The following DVL1 variants were observed in gnomAD, a reference collection of about 807,000 sequenced individuals.
DVL1 encodes the protein dishevelled segment polarity protein 1, also known as segment polarity protein dishevelled homolog DVL-1.
Under a neutral mutation model 65.0 loss-of-function variants are expected in DVL1, and 49 were observed. That is an observed-to-expected ratio of 0.75 (90% CI 0.60 to 0.96). The LOEUF (loss-of-function observed/expected upper bound fraction) is 0.96, where lower values mean the gene tolerates loss of function less well. DVL1 is among the 40% of genes least tolerant of loss of function. The pLI, the probability that DVL1 is intolerant of heterozygous loss-of-function variation, is 0.00. For missense variants in DVL1, 1,197 were observed against 1,045.4 expected (o/e 1.15, Z -2.00); for synonymous variants, 608 against 433.9 (o/e 1.40, Z -4.99).
rs1237591335 is a variant in DVL1, at chr1:1,342,033, G to C, written c.466+20C>G. 3.2e-6 allele frequency: 5 copies of C among 1,547,594 alleles called. No individual in the cohort carries two copies. The highest frequency in any genetic ancestry group is 4.4e-6 in the Non-Finnish European group (5 of 1,141,680). On this transcript the variant is annotated intron_variant, in intron 4 of 14. Coordinates refer to ENST00000378888, the MANE Select transcript of DVL1 (RefSeq NM_001330311.2). ...CAGGGAGGCTGGGGGTCCACAGCTG[G>C]GCAGACATGACCACTGTACCCTCCT...
At position 1,338,006 on chromosome 1, in the gene DVL1, C is replaced by T; in HGVS notation, c.1685G>A (p.Ser562Asn). ...ACTCTGCTGACTCCCGGTGCTGCCG[C>T]TGCCATAGCTAAAGCCCGGGTCCTG... ...AYQDPGFSYG[S>N]GSTGSQQSEG... is the part of the protein sequence containing the mutation. The change falls in exon 14 of 15, where the codon AGC (serine) becomes AAC (asparagine). Residue 562 changes from serine to asparagine, a missense_variant. Physicochemically the swap from Ser to Asn is conservative, Grantham distance 46 (BLOSUM62 1). Coordinates refer to ENST00000378888, the MANE Select transcript of DVL1 (RefSeq NM_001330311.2). 6.2e-7 allele frequency: 1 copy of T among 1,611,956 alleles called. No homozygotes were observed. Among genetic ancestry groups the T allele is most frequent in the Admixed American group, 1.7e-5 (1 of 59,968 alleles).
intron 5 of DVL1, among the ~76,000 whole-genome samples, chr1:1,341,067 G>A (rs1448001260): frequency 2.9e-5 from 4 of 138,654 alleles, no homozygotes; most frequent in African/African-American, 1.1e-4. Flanking sequence ...ATGCACACCT[G>A]CACACACGCA....
At position 1,336,031 on chromosome 1, in the gene DVL1, C is replaced by T. The variant is rs1427380883; in HGVS notation, c.*111G>A. 3.5e-6 allele frequency: 5 copies of T among 1,418,362 alleles called. No homozygotes were observed. The highest frequency in any genetic ancestry group is 4.7e-6 in the Non-Finnish European group (5 of 1,059,310). 87.9% of individuals were successfully genotyped at this position (1,418,362 alleles called of 1,614,324 possible). A position where few individuals can be genotyped will look rare whatever the true frequency, so the allele number is the denominator to read the frequency against. On this transcript the variant is annotated 3_prime_UTR_variant, in exon 15 of 15. Coordinates refer to ENST00000378888, the MANE Select transcript of DVL1 (RefSeq NM_001330311.2). ...GCAGATGGTGGTGGTCCAGCCTGCCCCCCACCCTGCCTCCCGTCCTGGCCC... is the reference window on the plus strand; with the variant it reads ...GCAGATGGTGGTGGTCCAGCCTGCCTCCCACCCTGCCTCCCGTCCTGGCCC...
chr1:1,339,072 G>C (rs1191865833), intron 11 of DVL1, among the ~76,000 whole-genome samples: 1 of 152,216 alleles, frequency 6.6e-6, no homozygotes, highest in Non-Finnish European at 1.5e-5. Flanking sequence ...GGGGCCCTAC[G>C]TACATCCCCT....
At chr1:1,339,538 C>T (rs764428905) in intron 10 of DVL1, 44 bp downstream of exon 10, 5 of 1,566,662 alleles carry the variant, frequency 3.2e-6, no homozygotes, top group Admixed American at 3.8e-5. Context: ...GCTAGGTAGG[C>T]GCCCCCTCCC....
intron 1 of DVL1, among the ~76,000 whole-genome samples, 199 bp downstream of exon 1, chr1:1,348,697 C>T (rs1316030656): frequency 6.6e-6 from 1 of 152,112 alleles, no homozygotes; most frequent in Non-Finnish European, 1.5e-5. Context: ...CCCCGCCTGC[C>T]ATCGCCCCGC....
chr1:1,340,588 C>G (rs1365173420), intron 5 of DVL1, 85 bp from the exon 6 acceptor site: 2 of 1,432,498 alleles, frequency 1.4e-6, no homozygotes, highest in Non-Finnish European at 1.9e-6. Context: ...GAGTGGGAAT[C>G]GGGGGTCTAG....
chr1:1,341,242 C>G (rs1046950958), intron 5 of DVL1, among the ~76,000 whole-genome samples: 5 of 152,138 alleles, frequency 3.3e-5, no homozygotes, highest in Admixed American at 2.6e-4. Context: ...CACCTGCGCA[C>G]ACGCGTGCAT....
rs908562951 is a variant in DVL1, at chr1:1,340,671, G to A, written c.606-168C>T. Among the ~76,000 whole-genome samples, 6 of 152,078 alleles carry A rather than the reference G, an allele frequency of 3.9e-5. No individual in the cohort carries two copies. In the East Asian group the frequency reaches 5.8e-4, roughly 15 times the overall value. On this transcript the variant is annotated intron_variant, in intron 5 of 14. Transcript: ENST00000378888. ...GGCCCTGCACACGTGATATGCATAT[G>A]AGCACACACGAAAATCCCAGAGACA...
Position 1,337,856 on chromosome 1 carries a change from T to TGGGGTGGAGCTG in DVL1, c.1714+109_1714+120dup, listed in dbSNP as rs1318311654. The TGGGGTGGAGCTG allele has an allele frequency of 1.4e-5, 8 of 581,458 alleles. No individual in the cohort carries two copies. In the East Asian group the frequency reaches 1.6e-4, roughly 12 times the overall value. 36.0% of individuals were successfully genotyped at this position (581,458 alleles called of 1,614,324 possible). Reference sequence around the variant, plus strand: ...GAAGCAGGGCGGAGCAGCAGCGGGGTGGGGTGGAGCTGGGGGTGGAGCAGC... The same window carrying TGGGGTGGAGCTG: ...GAAGCAGGGCGGAGCAGCAGCGGGGTGGGGTGGAGCTGGGGGTGGAGCTGGGGGTGGAGCAGC... On this transcript the variant is annotated intron_variant, in intron 14 of 14. Transcript: ENST00000378888.
At chr1:1,341,357 G>A (rs1327298279) in intron 5 of DVL1, among the ~76,000 whole-genome samples, 1 of 149,298 alleles carries the variant, frequency 6.7e-6, no homozygotes, top group Non-Finnish European at 1.5e-5. Flanking sequence ...ACAGGTACAT[G>A]CACAGACACA....
Position 1,338,520 on chromosome 1 carries a change from A to G in DVL1, c.1339+2T>C. The G allele has an allele frequency of 1.2e-6, 2 of 1,612,126 alleles. No individual in the cohort carries two copies. The highest frequency in any genetic ancestry group is 1.7e-6 in the Non-Finnish European group (2 of 1,179,586). On this transcript the variant is annotated splice_donor_variant, in intron 12 of 14. Transcript: ENST00000378888. LOFTEE classifies it high-confidence loss of function. ...TATCCGCCCGCGGGGACGGCCACTC[A>G]CCGATGACGGCATTGGCGATGGTGA...
At chr1:1,347,981 A>G (rs1643944022) in intron 1 of DVL1, among the ~76,000 whole-genome samples, 1 of 152,206 alleles carries the variant, frequency 6.6e-6, no homozygotes, top group African/African-American at 2.4e-5. Context: ...CACAGAATCC[A>G]AGAAACAACC....
chr1:1,345,688 A>G (rs1643905245), intron 1 of DVL1, among the ~76,000 whole-genome samples: 1 of 152,178 alleles, frequency 6.6e-6, no homozygotes, highest in African/African-American at 2.4e-5. Context: ...CACAGGATGC[A>G]GAGAACCCTC....
intron 14 of DVL1, chr1:1,337,018 C>A (rs1460706154): frequency 1.0e-6 from 1 of 989,630 alleles, no homozygotes; most frequent in Non-Finnish European, 1.2e-6. Context: ...CCTGGCTTAC[C>A]GGCCCAAGGT....
Position 1,341,759 on chromosome 1 carries a change from C to G in DVL1, c.513G>C (p.Val171=). 6.2e-7 allele frequency: 1 copy of G among 1,605,936 alleles called. No individual in the cohort carries two copies. Among genetic ancestry groups the G allele is most frequent in the South Asian group, 1.1e-5 (1 of 90,210 alleles). The change falls in exon 5 of 15, where the codon GTG becomes GTC. Residue 171 remains valine, a synonymous_variant. Transcript: ENST00000378888. Reference sequence around the variant, plus strand: ...TGGACGCGCTGTCTGGGGGCAGCCCCACATCCCGCCGTCGGTCTCCCCTTG... The same window carrying G: ...TGGACGCGCTGTCTGGGGGCAGCCCGACATCCCGCCGTCGGTCTCCCCTTG... ...GHPRGDRRRD[V]GLPPDSASTA...
chr1:1,336,764 T>A (rs1286177488), intron 14 of DVL1, among the ~76,000 whole-genome samples: 2 of 152,106 alleles, frequency 1.3e-5, no homozygotes, highest in African/African-American at 4.8e-5. Context: ...CCCCCACACC[T>A]CACCCCGATG....
At position 1,336,374 on chromosome 1, in the gene DVL1, C is replaced by A; in HGVS notation, c.1856G>T (p.Arg619Leu). 6.3e-7 allele frequency: 1 copy of A among 1,597,938 alleles called. No homozygotes were observed. The highest frequency in any genetic ancestry group is 8.5e-7 in the Non-Finnish European group (1 of 1,178,294). Residue 619 changes from arginine (R) to leucine (L), a missense_variant, in exon 15 of 15, where the codon CGT (arginine) becomes CTT (leucine). Coordinates refer to ENST00000378888, the MANE Select transcript of DVL1 (RefSeq NM_001330311.2). Reference sequence around the variant, plus strand: ...GCCACGGCTGAGCTGGCCGGCCGGACGCTCTCGCCAGCTGCTCCCCACCCC... The same window carrying A: ...GCCACGGCTGAGCTGGCCGGCCGGAAGCTCTCGCCAGCTGCTCCCCACCCC... ...PSGVGSSWRERPAGQLSRGSS... is the reference protein window; with the variant it reads ...PSGVGSSWRELPAGQLSRGSS...
rs1360551778 is a variant in DVL1 at position 1,336,515 on chromosome 1, C to T, written c.1715G>A (p.Gly572Glu). ...SGSTGSQQSE[G>E]SKSSGSTRSS... The stretch of plus-strand genomic sequence containing the variant: ...CCGGGTGGACCCACTGCTTTTGCTC[C>T]CTGGGAGTGAGAACAGGATGGGGAA... Residue 572 changes from glycine to glutamate, a missense_variant and splice_region_variant, in exon 15 of 15, where the codon GGG (glycine) becomes GAG (glutamate). By Grantham distance (98) the Gly-to-Glu change is moderately conservative. Transcript: ENST00000378888. The T allele has an allele frequency of 4.6e-6, 7 of 1,508,498 alleles. No homozygotes were observed. Among genetic ancestry groups the T allele is most frequent in the Non-Finnish European group, 6.2e-6 (7 of 1,137,446 alleles). The allele number at this position is 1,508,498 out of a possible 1,614,324, so 93.4% of individuals were successfully genotyped here.
Sources: allele counts gnomAD v4.1 joint callset (sites outside exome capture counted in the v4.1 genomes callset), GRCh38; gene constraint gnomAD v4.1.1; transcripts MANE v1.5; gene names NCBI Gene and HGNC (gene_info 2026-07-23, HGNC 2026-07-21).